Variants in UQCC1 observed in about 807,000 individuals in gnomAD.
UQCC1 encodes bFGF-repressed Zic-binding protein.
Under a neutral mutation model 48.0 loss-of-function variants are expected in UQCC1, and 38 were observed. The observed-to-expected ratio is 0.79, with a 90% CI of 0.61 to 1.04. The LOEUF (loss-of-function observed/expected upper bound fraction) is 1.04. Among genes scored for constraint, UQCC1 ranks in the 50% least tolerant of loss-of-function variants. The pLI is 0.00. For synonymous variants in UQCC1, 111 were observed against 129.2 expected (o/e 0.86, Z 0.95); for missense variants, 368 against 381.8 (o/e 0.96, Z 0.30).
At chr20:35,321,283 T>TGTGCGCGCGC (rs1389196330) in intron 7 of UQCC1, among the ~76,000 whole-genome samples, 1 of 141,536 alleles carries the variant, frequency 7.1e-6, no homozygotes, top group African/African-American at 2.9e-5. Context: ...TGTGTGTGTG[T>TGTGCGCGCGC]GCGCGCGCGC....
At chr20:35,321,283 T>TGTGTGTGC (rs1389196330) in intron 7 of UQCC1, among the ~76,000 whole-genome samples, 302 of 141,570 alleles carry the variant, frequency 2.1e-3, no homozygotes, top group African/African-American at 8.0e-3. Flanking sequence ...TGTGTGTGTG[T>TGTGTGTGC]GCGCGCGCGC....
chr20:35,350,744 G>T (rs2061481725), intron 6 of UQCC1, among the ~76,000 whole-genome samples: 1 of 150,670 alleles, frequency 6.6e-6, no homozygotes, highest in African/African-American at 2.4e-5. Flanking sequence ...TTACTGATGT[G>T]ATTCGAAACT....
chr20:35,345,335 A>T (rs895576279), intron 7 of UQCC1: 9 of 152,306 alleles, frequency 5.9e-5, no homozygotes, highest in African/African-American at 1.9e-4. Context: ...GGGATCTGAC[A>T]CTATCTCCGA....
At chr20:35,346,760 C>G (rs2061435922) in intron 7 of UQCC1, 1 of 443,342 alleles carries the variant, frequency 2.3e-6, no homozygotes, top group African/African-American at 2.0e-5. Flanking sequence ...GAAGACAGTG[C>G]AGGCCCCATA....
chr20:35,382,455 T>C (rs938500366), intron 3 of UQCC1, among the ~76,000 whole-genome samples: 1 of 151,916 alleles, frequency 6.6e-6, no homozygotes, highest in Non-Finnish European at 1.5e-5. Context: ...GGCATTTTTA[T>C]TGCTTAGATT....
intron 2 of UQCC1, among the ~76,000 whole-genome samples, chr20:35,384,966 CAAAAAAAA>C (rs57141083): frequency 1.0e-4 from 7 of 69,748 alleles, no homozygotes; most frequent in South Asian, 5.9e-4. Context: ...GAATCGGTCT[CAAAAAAAA>C]AAAAAAAAAA....
rs562385602 is a variant in UQCC1 at position 35,402,305 on chromosome 20, G to A, written c.25-8109C>T. On this transcript the variant is annotated intron_variant, in intron 1 of 9. Transcript: ENST00000374385. ...AAAAAATACATAATATAGGCCGGGC[G>A]CGGTGGCTTACGCCTGTAATCCCAG... 1.6e-3 allele frequency among the ~76,000 whole-genome samples: 237 copies of A among 152,098 alleles called. 1 individual carries two copies. Among genetic ancestry groups the A allele is most frequent in the South Asian group, 2.7e-3 (13 of 4,806 alleles).
chr20:35,387,093 A>T (rs375912984), intron 2 of UQCC1, among the ~76,000 whole-genome samples: 1 of 151,900 alleles, frequency 6.6e-6, no homozygotes, highest in Non-Finnish European at 1.5e-5. Flanking sequence ...CCTGGGCAAC[A>T]TGGCAAACCA....
chr20:35,345,089 T>G (rs987588021), intron 7 of UQCC1: 2 of 152,302 alleles, frequency 1.3e-5, no homozygotes, highest in African/African-American at 2.4e-5. Context: ...TTCCCCCATC[T>G]TGTCCTATGC....
At chr20:35,321,989 A>G (rs895437129) in intron 7 of UQCC1, among the ~76,000 whole-genome samples, 1 of 152,236 alleles carries the variant, frequency 6.6e-6, no homozygotes, top group Non-Finnish European at 1.5e-5. Flanking sequence ...GTCCACAATC[A>G]TCTTCAAAAG....
intron 2 of UQCC1, among the ~76,000 whole-genome samples, chr20:35,393,662 G>A (rs1263141204): frequency 2.6e-5 from 4 of 151,630 alleles, no homozygotes; most frequent in Admixed American, 2.0e-4. Flanking sequence ...AAGGTCCAAG[G>A]TAAACTACAT....
intron 8 of UQCC1, 96 bp downstream of exon 8, chr20:35,314,592 T>C: frequency 2.0e-6 from 2 of 977,852 alleles, no homozygotes; most frequent in Non-Finnish European, 3.1e-6. Context: ...TGGTAGCCAG[T>C]AACAATGGTC....
At chr20:35,305,113 A>G (rs1278927291) in intron 9 of UQCC1, among the ~76,000 whole-genome samples, 2 of 152,238 alleles carry the variant, frequency 1.3e-5, no homozygotes, top group Admixed American at 6.5e-5. Flanking sequence ...CCTGTATCAC[A>G]TAACAGGCTG....
chr20:35,355,840 C>T (rs973266650), intron 6 of UQCC1, among the ~76,000 whole-genome samples: 2 of 151,690 alleles, frequency 1.3e-5, no homozygotes, highest in Non-Finnish European at 2.9e-5. Context: ...ATAAATGGTA[C>T]CTTCTTTATC....
intron 7 of UQCC1, among the ~76,000 whole-genome samples, chr20:35,319,384 T>C (rs531555593): frequency 1.2e-4 from 19 of 152,288 alleles, no homozygotes; most frequent in Non-Finnish European, 2.6e-4. Context: ...AGGTCTCAGC[T>C]GAAATGGGGA....
intron 7 of UQCC1, chr20:35,346,134 TAAATGCACCAATCAGCACTCTGTAA>T (rs1402653825): frequency 6.6e-6 from 1 of 151,928 alleles, no homozygotes; most frequent in Non-Finnish European, 1.5e-5. Context: ...TACAGGATTG[TAAATGCACCAATCAGCACTCTGTAA>T]AAACGCACCA....
At chr20:35,364,605 A>C (rs2061644763) in intron 6 of UQCC1, among the ~76,000 whole-genome samples, 1 of 152,236 alleles carries the variant, frequency 6.6e-6, no homozygotes, top group African/African-American at 2.4e-5. Context: ...GGCGAGAGAA[A>C]GAGTGGAAGG....
chr20:35,375,478 C>T (rs889637092), intron 4 of UQCC1, among the ~76,000 whole-genome samples: 1 of 151,970 alleles, frequency 6.6e-6, no homozygotes, highest in Non-Finnish European at 1.5e-5. Context: ...TAGAAATAGA[C>T]AAATAAAAAT....
chr20:35,338,884 A>ATATATATATATAT (rs1568666124), intron 7 of UQCC1, among the ~76,000 whole-genome samples: 4 of 59,264 alleles, frequency 6.7e-5, no homozygotes, highest in African/African-American at 6.5e-4. Flanking sequence ...AAAAAAAAAA[A>ATATATATATATAT]AAAAAAAAAT....
Sources: allele counts gnomAD v4.1 joint callset (sites outside exome capture counted in the v4.1 genomes callset), GRCh38; gene constraint gnomAD v4.1.1; transcripts MANE v1.5; gene names NCBI Gene and HGNC (gene_info 2026-07-23, HGNC 2026-07-21).